The following SPIRE2 variants were observed in gnomAD, a reference collection of about 807,000 sequenced individuals.
SPIRE2 encodes spire type actin nucleation factor 2, also known as protein spire homolog 2.
In SPIRE2, 76 loss-of-function variants were observed where a neutral mutation model predicts 80.7. The ratio of observed to expected loss-of-function variants is 0.94; its 90% CI spans 0.78 to 1.14. The LOEUF is 1.14. Ranked by LOEUF, SPIRE2 falls within the 50% of genes most tolerant of loss-of-function variation. SPIRE2 has a pLI of 0.00. For synonymous variants in SPIRE2, 535 were observed against 432.6 expected (o/e 1.24, Z -2.94); for missense variants, 1,196 against 1,015.3 (o/e 1.18, Z -2.42).
At chr16:89,836,418 C>G (rs939109838) in intron 1 of SPIRE2, 1 of 352,080 alleles carries the variant, frequency 2.8e-6, no homozygotes, top group Non-Finnish European at 5.7e-6. Flanking sequence ...TCCAGATCCT[C>G]CTCCACTGTC....
At chr16:89,846,273 C>A (rs1372585752) in intron 2 of SPIRE2, 1 of 151,908 alleles carries the variant, frequency 6.6e-6, no homozygotes, top group Non-Finnish European at 1.5e-5. Flanking sequence ...AGCCATCCTC[C>A]CACTTGGCCT....
At chr16:89,844,895 T>A (rs976557777) in intron 1 of SPIRE2, among the ~76,000 whole-genome samples, 5 of 152,234 alleles carry the variant, frequency 3.3e-5, no homozygotes, top group Admixed American at 1.3e-4. Flanking sequence ...CTACTCCACC[T>A]GCCCCTCCTT....
chr16:89,860,825 C>G (rs373230776), intron 10 of SPIRE2, 30 bp downstream of exon 10: 1 of 1,393,030 alleles, frequency 7.2e-7, no homozygotes, highest in Admixed American at 2.8e-5. Flanking sequence ...TCGTCCAGGG[C>G]GGCCCAGGGG....
At position 89,870,206 on chromosome 16, in the gene SPIRE2, G is replaced by A. The variant is rs771238276; in HGVS notation, c.2079G>A (p.Thr693=). The part of the protein sequence containing the change: ...SRKSVDVLNT[T]PRRSRQTQSL... ...AGAGCGTGGACGTCCTCAACACTAC[G>A]CCACGACGCAGTCGCCAGACCCAAT... The change falls in exon 15 of 15, where the codon ACG becomes ACA. Residue 693 remains threonine (T), a synonymous_variant. Transcript: ENST00000378247. 5.6e-6 allele frequency: 9 copies of A among 1,608,708 alleles called. No individual in the cohort carries two copies. Among genetic ancestry groups the A allele is most frequent in the Admixed American group, 3.4e-5 (2 of 59,198 alleles).
intron 1 of SPIRE2, chr16:89,836,541 A>G (rs1016766276): frequency 2.5e-5 from 6 of 237,734 alleles, no homozygotes; most frequent in African/African-American, 1.3e-4. Context: ...CCTGTGTGGT[A>G]TTAAGCAGAC....
Position 89,869,568 on chromosome 16 carries a change from T to C in SPIRE2, c.1808T>C (p.Met603Thr). Reference sequence around the variant, plus strand: ...ATACCTCCTCCCTCTGTGCTGCAGATGAAGATGCCTTCTAAGAAATTTGGA... The same window carrying C: ...ATACCTCCTCCCTCTGTGCTGCAGACGAAGATGCCTTCTAAGAAATTTGGA... ...RAVCTSCSIK[M>T]KMPSKKFGHI... Residue 603 changes from methionine (M) to threonine (T), a missense_variant and splice_region_variant, in exon 14 of 15, where the codon ATG becomes ACG. By Grantham distance (81) the Met-to-Thr change is moderately conservative (BLOSUM62 -1). Coordinates refer to ENST00000378247, the MANE Select transcript of SPIRE2 (RefSeq NM_032451.2). 2 of 1,608,150 alleles carry C rather than the reference T, an allele frequency of 1.2e-6. No homozygotes were observed. The highest frequency in any genetic ancestry group is 1.7e-6 in the Non-Finnish European group (2 of 1,174,644).
chr16:89,836,446 G>A (rs886341426), intron 1 of SPIRE2: 2 of 320,022 alleles, frequency 6.2e-6, no homozygotes, highest in Admixed American at 3.9e-5. Context: ...ATTTCCTTGC[G>A]TCTCTCTCCA....
At chr16:89,851,184 C>T (rs2041623851) in intron 3 of SPIRE2, among the ~76,000 whole-genome samples, 1 of 152,184 alleles carries the variant, frequency 6.6e-6, no homozygotes, top group South Asian at 2.1e-4. Context: ...ACTGCTCTCT[C>T]CCGTTGCCTG....
chr16:89,859,090 C>G, intron 8 of SPIRE2, 75 bp from the exon 9 acceptor site: 1 of 1,378,302 alleles, frequency 7.3e-7, no homozygotes, highest in Non-Finnish European at 9.8e-7. Flanking sequence ...CCTGGGTCCT[C>G]TGCTTCATTC....
rs541576028 is a variant in SPIRE2 at position 89,870,276 on chromosome 16, C to A, written c.*4C>A. On this transcript the variant is annotated 3_prime_UTR_variant, in exon 15 of 15. Coordinates refer to ENST00000378247, the MANE Select transcript of SPIRE2 (RefSeq NM_032451.2). Reference sequence around the variant, plus strand: ...CAGGACTCTTGACTTCAAGTGACAGCCCCAGGTGGCCAGGCCTCCAGGAGG... The same window carrying A: ...CAGGACTCTTGACTTCAAGTGACAGACCCAGGTGGCCAGGCCTCCAGGAGG... 4 of 1,581,232 alleles carry A rather than the reference C, an allele frequency of 2.5e-6. No individual in the cohort carries two copies. The highest frequency in any genetic ancestry group is 3.4e-6 in the Non-Finnish European group (4 of 1,163,096).
chr16:89,845,707 T>G, intron 2 of SPIRE2: 2 of 649,518 alleles, frequency 3.1e-6, no homozygotes, highest in Non-Finnish European at 5.6e-6. Context: ...CGACTTCAGG[T>G]GCAAACAGGA....
intron 12 of SPIRE2, 113 bp from the exon 13 acceptor site, chr16:89,868,076 C>A: frequency 8.6e-7 from 1 of 1,158,048 alleles, no homozygotes; most frequent in Non-Finnish European, 1.3e-6. Flanking sequence ...AAGCATCAGG[C>A]AGAAGGCAAG....
intron 3 of SPIRE2, 119 bp from the exon 4 acceptor site, chr16:89,854,167 T>G: frequency 2.1e-6 from 2 of 931,310 alleles, no homozygotes; most frequent in South Asian, 3.2e-5. Context: ...CCCAGCTGTC[T>G]CTTTTCCGGC....
rs199958773 is a variant in SPIRE2, at chr16:89,854,663, A to G, written c.891+12A>G. 3.3e-4 allele frequency: 521 copies of G among 1,573,292 alleles called. 2 individuals carry two copies. In the African/African-American group the frequency reaches 4.9e-3, roughly 15 times the overall value. ...TGCGCAAGGTCATGGTGAGCGGGGC[A>G]GACGCAGAGGGGCAGCCTGGATGCA... On this transcript the variant is annotated intron_variant, in intron 5 of 14. Transcript: ENST00000378247.
intron 3 of SPIRE2, among the ~76,000 whole-genome samples, chr16:89,853,445 C>T (rs1033355312): frequency 5.9e-5 from 9 of 152,200 alleles, no homozygotes; most frequent in Admixed American, 3.3e-4. Flanking sequence ...TGGCCAGGAG[C>T]GGCCTGCTCA....
Position 89,850,318 on chromosome 16 carries a change from C to T in SPIRE2, c.303C>T (p.Leu101=), listed in dbSNP as rs778060189. The T allele has an allele frequency of 3.0e-5, 48 of 1,603,054 alleles. No individual in the cohort carries two copies. The highest frequency in any genetic ancestry group is 3.7e-5 in the Non-Finnish European group (44 of 1,177,376). The change falls in exon 3 of 15, where the codon CTC becomes CTT. Residue 101 remains leucine (L), a synonymous_variant. Coordinates refer to ENST00000378247, the MANE Select transcript of SPIRE2 (RefSeq NM_032451.2). ...CTGTCCCGCAGACCGTGCAGTCCCT[C>T]GGCTTCGCCATCTACCGCGCGCTGG... The part of the protein sequence containing the change: ...ASSEAQTVQS[L]GFAIYRALDW...
chr16:89,867,352 C>T (rs2041798464), intron 12 of SPIRE2, among the ~76,000 whole-genome samples: 1 of 152,028 alleles, frequency 6.6e-6, no homozygotes, highest in Non-Finnish European at 1.5e-5. Context: ...ACCATCTTGG[C>T]CAGGCCGATG....
intron 3 of SPIRE2, 128 bp from the exon 4 acceptor site, chr16:89,854,158 C>T: frequency 1.2e-6 from 1 of 866,166 alleles, no homozygotes. Flanking sequence ...GCCAAAATGC[C>T]CAGCTGTCTC....
intron 7 of SPIRE2, among the ~76,000 whole-genome samples, chr16:89,857,402 C>T (rs1340740953): frequency 6.6e-6 from 1 of 152,052 alleles, no homozygotes; most frequent in Non-Finnish European, 1.5e-5. Context: ...TCCCGAAGTG[C>T]TGGGATTATG....
Sources: gnomAD v4.1 joint callset for allele counts (sites outside exome capture counted in the v4.1 genomes callset) on GRCh38, gnomAD v4.1.1 for gene constraint, MANE v1.5 for transcripts, NCBI Gene and HGNC (gene_info 2026-07-23, HGNC 2026-07-21) for gene names.